DLG2: variants seen among roughly 807,000 people sequenced by gnomAD.
DLG2 encodes the protein disks large homolog 2.
A neutral mutation model predicts 132.5 loss-of-function variants in DLG2; 45 were observed. The observed-to-expected ratio is 0.34, with a 90% CI of 0.27 to 0.44. The LOEUF (loss-of-function observed/expected upper bound fraction) is 0.44. Ranked by LOEUF, DLG2 falls within the 20% of genes least tolerant of loss-of-function variation. The probability of loss-of-function intolerance (pLI) is 1.00; values close to 1 mark genes in which losing one functional copy is unlikely to be tolerated. For missense variants in DLG2, 1,045 were observed against 1,196.9 expected, an observed-to-expected ratio of 0.87 and a Z score of 1.87; for synonymous variants, 424 against 419.6, an observed-to-expected ratio of 1.01 and a Z score of -0.13.
intron 4 of DLG2, among the ~76,000 whole-genome samples, chr11:85,157,801 T>C (rs1442163032): frequency 6.6e-6 from 1 of 152,176 alleles, no homozygotes; most frequent in Non-Finnish European, 1.5e-5. Context: ...ATGGCAATGT[T>C]TGGGAGGTCT....
At chr11:85,425,425 T>C (rs1206700811) in intron 3 of DLG2, among the ~76,000 whole-genome samples, 1 of 152,146 alleles carries the variant, frequency 6.6e-6, no homozygotes, top group African/African-American at 2.4e-5. Flanking sequence ...AATGAACATA[T>C]ATATTGTAAA....
chr11:85,192,663 T>C (rs1427540737), intron 4 of DLG2, among the ~76,000 whole-genome samples: 1 of 152,240 alleles, frequency 6.6e-6, no homozygotes, highest in Non-Finnish European at 1.5e-5. Flanking sequence ...CCTTTTAATA[T>C]TTCCTTAGAT....
At chr11:85,530,437 C>T (rs748406026) in intron 3 of DLG2, among the ~76,000 whole-genome samples, 6 of 151,980 alleles carry the variant, frequency 3.9e-5, no homozygotes, top group Non-Finnish European at 7.4e-5. Flanking sequence ...TCTCCTGCCT[C>T]AGCCTTCTGA....
chr11:84,614,644 A>AAT lies in DLG2; in HGVS notation c.358-79915_358-79914dup, dbSNP rs768404448. On this transcript the variant is annotated intron_variant, in intron 6 of 27. Coordinates refer to ENST00000376104, the MANE Select transcript of DLG2 (RefSeq NM_001142699.3). Reference sequence around the variant, plus strand: ...AGTAGGTGCTAAATAGTGAATGACAAATATATATACATTTTTTACCTGTTT... The same window carrying AAT: ...AGTAGGTGCTAAATAGTGAATGACAAATATATATATACATTTTTTACCTGTTT... Among the ~76,000 whole-genome samples, 15 of 152,274 alleles carry AAT rather than the reference A, an allele frequency of 9.9e-5. No individual in the cohort carries two copies. The East Asian group carries it at 2.1e-3, about 22-fold the overall frequency.
chr11:84,672,007 A>G (rs2099706420), intron 6 of DLG2, among the ~76,000 whole-genome samples: 1 of 152,190 alleles, frequency 6.6e-6, no homozygotes, highest in African/African-American at 2.4e-5. Context: ...CAAGTCTATC[A>G]GTTATCCAGA....
Position 85,446,291 on chromosome 11 carries a change from G to A in DLG2, c.40+152366C>T, listed in dbSNP as rs1337922446. ...TAATCATGTTGAAAGATCAAATCTA[G>A]AATAAGCCCTATCAATTAGCACAAG... On this transcript the variant is annotated intron_variant, in intron 3 of 27. Coordinates refer to ENST00000376104, the MANE Select transcript of DLG2 (RefSeq NM_001142699.3). 3.3e-5 allele frequency among the ~76,000 whole-genome samples: 5 copies of A among 152,266 alleles called. No homozygotes were observed. The South Asian group carries it at 1.0e-3, about 32-fold the overall frequency.
chr11:83,946,763 T>A lies in DLG2; in HGVS notation c.1340+16122A>T, dbSNP rs576043628. Among the ~76,000 whole-genome samples the A allele has an allele frequency of 6.6e-5, 10 of 152,314 alleles. No individual in the cohort carries two copies. The East Asian group carries it at 7.7e-4, about 12-fold the overall frequency. ...CACACGTGCACATACACATAATTTT[T>A]AAAAAATTTTTGTTAGCAGAATTTA... On this transcript the variant is annotated intron_variant, in intron 14 of 27. Coordinates refer to ENST00000376104, the MANE Select transcript of DLG2 (RefSeq NM_001142699.3).
chr11:83,786,532 G>T, intron 18 of DLG2, 158 bp downstream of exon 18: 2 of 583,710 alleles, frequency 3.4e-6, no homozygotes, highest in Non-Finnish European at 6.0e-6. Flanking sequence ...ACAAAGCCAC[G>T]GTTCACGTTC....
chr11:84,447,477 C>T (rs1168945051), intron 7 of DLG2, among the ~76,000 whole-genome samples: 1 of 152,114 alleles, frequency 6.6e-6, no homozygotes, highest in Non-Finnish European at 1.5e-5. Context: ...GGAAAGTCTA[C>T]CTTCTTTCTG....
chr11:85,159,261 C>G (rs2077845213), intron 4 of DLG2, among the ~76,000 whole-genome samples: 1 of 152,140 alleles, frequency 6.6e-6, no homozygotes, highest in Admixed American at 6.5e-5. Flanking sequence ...ATCTGACTTA[C>G]AGTGTATCCG....
chr11:84,987,088 A>G (rs1259134961), intron 6 of DLG2, among the ~76,000 whole-genome samples: 1 of 152,216 alleles, frequency 6.6e-6, no homozygotes, highest in Non-Finnish European at 1.5e-5. Flanking sequence ...ATTAATTTAC[A>G]CATATCAGTA....
intron 6 of DLG2, among the ~76,000 whole-genome samples, chr11:84,967,052 C>T (rs1357663902): frequency 1.3e-5 from 2 of 152,066 alleles, no homozygotes; most frequent in Non-Finnish European, 1.5e-5. Context: ...TAGAATTACA[C>T]ATTGGTAAAA....
intron 5 of DLG2, chr11:85,132,638 C>T (rs529292903): frequency 4.9e-6 from 2 of 408,930 alleles, no homozygotes; most frequent in Non-Finnish European, 5.1e-6. Flanking sequence ...AACAAAATGC[C>T]CAGCAAAGTA....
chr11:84,947,797 C>G (rs1272473957), intron 6 of DLG2, among the ~76,000 whole-genome samples: 1 of 152,198 alleles, frequency 6.6e-6, no homozygotes, highest in African/African-American at 2.4e-5. Flanking sequence ...TGCCCATTCT[C>G]TCTGTGTAAT....
At chr11:84,579,185 T>C (rs2099510505) in intron 6 of DLG2, among the ~76,000 whole-genome samples, 1 of 84,904 alleles carries the variant, frequency 1.2e-5, no homozygotes, top group Non-Finnish European at 2.3e-5. Flanking sequence ...CTTGCATTAT[T>C]CACGTGTGTG....
chr11:85,303,818 G>T (rs2152798127), intron 3 of DLG2, among the ~76,000 whole-genome samples: 1 of 152,222 alleles, frequency 6.6e-6, no homozygotes, highest in South Asian at 2.1e-4. Context: ...TTGAACAAGA[G>T]GAAATCCAAG....
chr11:83,866,786 T>C (rs10898164), intron 16 of DLG2, among the ~76,000 whole-genome samples: 47,507 of 151,950 alleles, frequency 0.31, 8,245 homozygotes, highest in African/African-American at 0.44. Context: ...AATTGCCCAG[T>C]GGATTCTGTG....
At chr11:85,189,886 C>T (rs1037200532) in intron 4 of DLG2, among the ~76,000 whole-genome samples, 1 of 152,016 alleles carries the variant, frequency 6.6e-6, no homozygotes, top group African/African-American at 2.4e-5. Context: ...GTCTTAAATT[C>T]CTGAGCTCAA....
chr11:84,556,922 C>T (rs1310781280), intron 6 of DLG2, among the ~76,000 whole-genome samples: 5 of 152,108 alleles, frequency 3.3e-5, no homozygotes, highest in Non-Finnish European at 7.3e-5. Flanking sequence ...TAACAAACTT[C>T]CTCATAACTG....
Sources: gnomAD v4.1 joint callset for allele counts (sites outside exome capture counted in the v4.1 genomes callset) on GRCh38, gnomAD v4.1.1 for gene constraint, MANE v1.5 for transcripts, NCBI Gene and HGNC (gene_info 2026-07-23, HGNC 2026-07-21) for gene names.